Variants in LDB3 observed in about 807,000 individuals in gnomAD.
The protein encoded by LDB3 is LIM domain binding 3, also known as LIM domain-binding protein 3.
In LDB3, 49 loss-of-function variants were observed where a neutral mutation model predicts 69.0. That is an observed-to-expected ratio of 0.71 (90% CI 0.56 to 0.90). LDB3 has a LOEUF of 0.90. LDB3 is among the 40% of genes least tolerant of loss of function. The pLI is 0.00. For synonymous variants in LDB3, 387 were observed against 396.2 expected, an observed-to-expected ratio of 0.98 and a Z score of 0.28; for missense variants, 928 against 974.1, an observed-to-expected ratio of 0.95 and a Z score of 0.63.
intron 9 of LDB3, among the ~76,000 whole-genome samples, chr10:86,712,081 A>G (rs1242812943): frequency 1.3e-5 from 2 of 152,128 alleles, no homozygotes; most frequent in South Asian, 2.1e-4. Context: ...AAGGATGCAG[A>G]AGCTGAGGGC....
chr10:86,680,580 G>A (rs1237596459), intron 4 of LDB3, among the ~76,000 whole-genome samples: 1 of 152,206 alleles, frequency 6.6e-6, no homozygotes, highest in African/African-American at 2.4e-5. Flanking sequence ...CAGGTGTGGA[G>A]GGGCCTGCTG....
rs45539535 is a variant in LDB3, at chr10:86,709,930, G to A, written c.1111G>A (p.Ala371Thr). ...GCCCCAGGCCTCTTCCTACAGCCCC[G>A]CAGTGGCCGCCTCTTCAGCACCTGC... The part of the protein sequence containing the change: ...PRPQASSYSP[A>T]VAASSAPATH... Residue 371 changes from alanine to threonine, a missense_variant, in exon 9 of 14, where the codon GCA (alanine) becomes ACA (threonine). Coordinates refer to ENST00000361373, the MANE Select transcript of LDB3 (RefSeq NM_007078.3). The A allele has an allele frequency of 9.2e-4, 1,481 of 1,611,898 alleles. No individual in the cohort carries two copies. Among genetic ancestry groups the A allele is most frequent in the Non-Finnish European group, 1.2e-3 (1,379 of 1,179,948 alleles).
At position 86,699,947 on chromosome 10, in the gene LDB3, C is replaced by T; in HGVS notation, c.897-6584C>T. The stretch of plus-strand genomic sequence containing the variant: ...CCTCCTGGCAGTGGTGAGGTGGGGG[C>T]ATGCACCCTCCTTTCTGTACCGTGT... On this transcript the variant is annotated intron_variant, in intron 7 of 13. Coordinates refer to ENST00000361373, the MANE Select transcript of LDB3 (RefSeq NM_007078.3). The surrounding 1 kb of genome is among the most constrained non-coding windows in gnomAD (Gnocchi z 4.9). 1.0e-6 allele frequency: 1 copy of T among 1,003,420 alleles called. No individual in the cohort carries two copies. Among genetic ancestry groups the T allele is most frequent in the South Asian group, 4.3e-5 (1 of 23,108 alleles). 62.2% of individuals were successfully genotyped at this position (1,003,420 alleles called of 1,614,324 possible). A position where few individuals can be genotyped will look rare whatever the true frequency, so the allele number is the denominator to read the frequency against.
At chr10:86,697,909 A>G (rs1470416247) in intron 7 of LDB3, among the ~76,000 whole-genome samples, 1 of 152,184 alleles carries the variant, frequency 6.6e-6, no homozygotes, top group East Asian at 1.9e-4. Context: ...CAGTTATAAG[A>G]AATAATAGAG....
At chr10:86,728,075 G>A (rs962212748) in intron 13 of LDB3, among the ~76,000 whole-genome samples, 12 of 152,230 alleles carry the variant, frequency 7.9e-5, no homozygotes, top group African/African-American at 2.6e-4. Flanking sequence ...CTGGCTTTGG[G>A]TTTGTCCCCT....
intron 7 of LDB3, among the ~76,000 whole-genome samples, chr10:86,696,907 T>TATAC (rs1846023096): frequency 1.3e-5 from 2 of 152,352 alleles, no homozygotes; most frequent in Admixed American, 6.5e-5. Context: ...CTCTCTGGGC[T>TATAC]TCAGCTTCCT....
intron 7 of LDB3, among the ~76,000 whole-genome samples, chr10:86,698,035 C>T (rs1846085131): frequency 1.3e-5 from 2 of 152,192 alleles, no homozygotes; most frequent in Non-Finnish European, 2.9e-5. Flanking sequence ...CTTCCCTTCA[C>T]CCAGGATGCC....
At chr10:86,677,678 AT>A (rs1844874600) in intron 2 of LDB3, among the ~76,000 whole-genome samples, 1 of 152,126 alleles carries the variant, frequency 6.6e-6, no homozygotes, top group Admixed American at 6.5e-5. Flanking sequence ...CTGTGGTATT[AT>A]CGGGGCTCAG....
At chr10:86,721,399 G>C (rs536732777) in intron 12 of LDB3, among the ~76,000 whole-genome samples, 35 of 152,306 alleles carry the variant, frequency 2.3e-4, no homozygotes, top group African/African-American at 8.2e-4. Flanking sequence ...GCTGAAAAAT[G>C]CTTCAGCTGG....
chr10:86,707,037 C>T (rs1253622161), intron 8 of LDB3, among the ~76,000 whole-genome samples: 1 of 147,682 alleles, frequency 6.8e-6, no homozygotes, highest in South Asian at 2.1e-4. Context: ...CAGACACATA[C>T]ACACACTCAT....
chr10:86,670,539 G>T (rs1844414016), intron 2 of LDB3, among the ~76,000 whole-genome samples: 2 of 152,162 alleles, frequency 1.3e-5, no homozygotes, highest in Admixed American at 6.5e-5. Context: ...GGGCTCAGTG[G>T]CACTCAGGAT....
At chr10:86,680,215 C>A in intron 4 of LDB3, 58 bp downstream of exon 4, 1 of 1,490,286 alleles carries the variant, frequency 6.7e-7, no homozygotes, top group Non-Finnish European at 9.3e-7. Flanking sequence ...AGTGCTGGCC[C>A]TGGCCAGCCT....
At chr10:86,668,468 A>C (rs1225872791), upstream of LDB3, 1 of 625,338 alleles carries the variant, frequency 1.6e-6, no homozygotes. Flanking sequence ...TTATGGGCGC[A>C]GCCGAAGGCA....
At chr10:86,702,738 C>T (rs945816774) in intron 7 of LDB3, among the ~76,000 whole-genome samples, 12 of 152,184 alleles carry the variant, frequency 7.9e-5, no homozygotes. Flanking sequence ...CTTCAGAATG[C>T]TTCAGAGGGT....
At chr10:86,728,582 T>C (rs1183079218) in intron 13 of LDB3, among the ~76,000 whole-genome samples, 1 of 127,938 alleles carries the variant, frequency 7.8e-6, no homozygotes. Flanking sequence ...AACATGGTTC[T>C]TTTGTTTTTT....
At chr10:86,668,501 G>C (rs1006953080), upstream of LDB3, 12 of 671,582 alleles carry the variant, frequency 1.8e-5, no homozygotes, top group Non-Finnish European at 2.7e-5. Context: ...GATGGCATTC[G>C]CTCCCAGCTA....
At chr10:86,689,811 G>T (rs1462556218) in intron 5 of LDB3, among the ~76,000 whole-genome samples, 1 of 152,212 alleles carries the variant, frequency 6.6e-6, no homozygotes, top group Non-Finnish European at 1.5e-5. Flanking sequence ...GCGGTGACCT[G>T]ATGTTGCGGT....
At chr10:86,731,600 G>T (rs1847461831) in intron 13 of LDB3, among the ~76,000 whole-genome samples, 3 of 152,160 alleles carry the variant, frequency 2.0e-5, no homozygotes, top group Admixed American at 1.3e-4. Flanking sequence ...CCTATTGAGA[G>T]AAATTTTACT....
At chr10:86,712,815 C>T (rs192436478) in intron 9 of LDB3, among the ~76,000 whole-genome samples, 13 of 152,328 alleles carry the variant, frequency 8.5e-5, no homozygotes, top group Admixed American at 5.2e-4. Flanking sequence ...AATCCCAGCA[C>T]TTTGGGAGGC....
Sources: gnomAD v4.1 joint callset for allele counts (sites outside exome capture counted in the v4.1 genomes callset) on GRCh38, gnomAD v4.1.1 for gene constraint, Gnocchi (gnomAD v3.1) non-coding constraint, MANE v1.5 for transcripts, NCBI Gene and HGNC (gene_info 2026-07-23, HGNC 2026-07-21) for gene names.